The following LRRC7 variants were observed in gnomAD, a reference collection of about 807,000 sequenced individuals.
LRRC7 encodes the protein leucine rich repeat containing 7, also known as leucine-rich repeat-containing protein 7.
In LRRC7, 23 loss-of-function variants were observed where a neutral mutation model predicts 175.7. The observed-to-expected ratio is 0.13, with a 90% CI of 0.09 to 0.19. The LOEUF (loss-of-function observed/expected upper bound fraction) is 0.19, where lower values mean the gene tolerates loss of function less well. LRRC7 is among the 10% of genes least tolerant of loss of function. The probability of loss-of-function intolerance (pLI) is 1.00; values close to 1 mark genes in which losing one functional copy is unlikely to be tolerated. For synonymous variants in LRRC7, 685 were observed against 680.9 expected (o/e 1.01, Z -0.09); for missense variants, 1,354 against 1,904.7 (o/e 0.71, Z 5.38).
At chr1:69,732,245 ATACT>A (rs149055508) in intron 2 of LRRC7, among the ~76,000 whole-genome samples, 22 of 152,200 alleles carry the variant, frequency 1.4e-4, no homozygotes, top group South Asian at 4.1e-4. Context: ...AATAAAGGAA[ATACT>A]TAATACTAGG....
intron 7 of LRRC7, among the ~76,000 whole-genome samples, chr1:69,902,457 GC>G (rs1476305257): frequency 6.6e-6 from 1 of 152,064 alleles, no homozygotes; most frequent in Non-Finnish European, 1.5e-5. Flanking sequence ...TGTAGTCCCG[GC>G]TACTCAAGAG....
chr1:69,699,029 T>A (rs917615433), intron 2 of LRRC7, among the ~76,000 whole-genome samples: 1 of 152,120 alleles, frequency 6.6e-6, no homozygotes, highest in East Asian at 1.9e-4. Flanking sequence ...GAGATTTATA[T>A]ATACTTTAAG....
chr1:69,607,446 T>G (rs1489420447), intron 1 of LRRC7: 1 of 152,128 alleles, frequency 6.6e-6, no homozygotes, highest in Non-Finnish European at 1.5e-5. Context: ...AGAAAGTTTT[T>G]TTAATTTTCA....
intron 2 of LRRC7, among the ~76,000 whole-genome samples, chr1:69,728,093 A>G (rs1019461092): frequency 4.6e-5 from 7 of 152,134 alleles, no homozygotes. Flanking sequence ...TTTTCAGAAT[A>G]TATAGTACCA....
At chr1:69,774,221 G>C (rs147733845) in intron 3 of LRRC7, among the ~76,000 whole-genome samples, 2 of 152,132 alleles carry the variant, frequency 1.3e-5, no homozygotes, top group African/African-American at 2.4e-5. Flanking sequence ...TGCTGCAGCC[G>C]GCTATACAGG....
intron 7 of LRRC7, 119 bp downstream of exon 7, chr1:69,838,402 C>T (rs1358789902): frequency 2.7e-6 from 2 of 741,930 alleles, no homozygotes; most frequent in Non-Finnish European, 4.7e-6. Flanking sequence ...ACACATTTTT[C>T]CTAAAGGCCA....
intron 7 of LRRC7, among the ~76,000 whole-genome samples, chr1:69,882,839 C>A (rs368868928): frequency 1.4e-5 from 2 of 148,006 alleles, no homozygotes; most frequent in East Asian, 4.1e-4. Context: ...GCTCAATTCC[C>A]ACCTATGAGT....
chr1:69,861,984 G>T (rs1329372429), intron 7 of LRRC7, among the ~76,000 whole-genome samples: 2 of 152,130 alleles, frequency 1.3e-5, no homozygotes, highest in Non-Finnish European at 2.9e-5. Context: ...ACTTATAATT[G>T]TGCCTTCTCT....
chr1:70,079,442 A>G (rs558330305), intron 24 of LRRC7, among the ~76,000 whole-genome samples: 98 of 152,348 alleles, frequency 6.4e-4, no homozygotes, highest in Non-Finnish European at 1.1e-3. Flanking sequence ...AAGAGCAAGG[A>G]GACACAGTAA....
At chr1:69,716,006 A>G (rs1340568789) in intron 2 of LRRC7, 6 of 369,998 alleles carry the variant, frequency 1.6e-5, no homozygotes, top group Non-Finnish European at 2.0e-5. Flanking sequence ...CTTATAGGAT[A>G]TGTAACCTGA....
chr1:69,973,156 C>A (rs941860396), intron 8 of LRRC7, among the ~76,000 whole-genome samples: 14 of 151,098 alleles, frequency 9.3e-5, no homozygotes, highest in African/African-American at 3.4e-4. Context: ...AGACTGGAGA[C>A]TATTATTCTA....
intron 3 of LRRC7, among the ~76,000 whole-genome samples, chr1:69,781,688 GAAGAAAGAAAGAAAGAAAGA>G (rs1553155061): frequency 4.8e-4 from 21 of 43,890 alleles, no homozygotes; most frequent in Admixed American, 2.7e-4. Context: ...TCAAAAAAAA[GAAGAAAGAAAGAAAGAAAGA>G]AAGAAAGAAA....
At chr1:69,939,043 A>ATATATATC (rs1557911228) in intron 8 of LRRC7, among the ~76,000 whole-genome samples, 13 of 64,868 alleles carry the variant, frequency 2.0e-4, no homozygotes, top group African/African-American at 5.2e-4. Flanking sequence ...ATATATATCT[A>ATATATATC]TATCTATCTC....
chr1:69,625,327 C>T (rs931614356), intron 1 of LRRC7, among the ~76,000 whole-genome samples: 1 of 113,954 alleles, frequency 8.8e-6, no homozygotes, highest in South Asian at 3.2e-4. Context: ...GTGATGGCCT[C>T]ATTTTAATTC....
chr1:69,737,434 T>C (rs1668244476), intron 2 of LRRC7, among the ~76,000 whole-genome samples: 2 of 152,110 alleles, frequency 1.3e-5, no homozygotes, highest in Non-Finnish European at 2.9e-5. Flanking sequence ...CATGTAGATG[T>C]GCGAGTCCAT....
At chr1:69,997,465 C>A (rs1355349351) in intron 11 of LRRC7, among the ~76,000 whole-genome samples, 1 of 151,568 alleles carries the variant, frequency 6.6e-6, no homozygotes, top group Admixed American at 6.6e-5. Context: ...GAGAGGGCAT[C>A]CCTGTCTTGT....
At chr1:69,951,746 T>C (rs1018182200) in intron 8 of LRRC7, among the ~76,000 whole-genome samples, 1 of 151,924 alleles carries the variant, frequency 6.6e-6, no homozygotes, top group African/African-American at 2.4e-5. Context: ...AATGAGAACT[T>C]ATGAACACAG....
rs1420273454 is a variant in LRRC7, at chr1:70,129,527, A to G, written c.*7640A>G. Among the ~76,000 whole-genome samples the G allele has an allele frequency of 2.6e-5, 4 of 152,122 alleles. No homozygotes were observed. The highest frequency in any genetic ancestry group is 5.9e-5 in the Non-Finnish European group (4 of 68,022). On this transcript the variant is annotated 3_prime_UTR_variant, in exon 27 of 27. Coordinates refer to ENST00000651989, the MANE Select transcript of LRRC7 (RefSeq NM_001370785.2). ...AAGGAGATGGAATTCAACACTTTAA[A>G]AAGTGTGGGGGGGTTGCTTGAAAAG...
In LRRC7 at chr1:70,139,357, A is replaced by C. The variant is rs1361481076; in HGVS notation, c.*17470A>C. The C allele has an allele frequency of 6.6e-6, 1 of 152,176 alleles. No individual in the cohort carries two copies. Among genetic ancestry groups the C allele is most frequent in the Admixed American group, 6.6e-5 (1 of 15,258 alleles). 9.4% of individuals were successfully genotyped at this position (152,176 alleles called of 1,614,324 possible). A position where few individuals can be genotyped will look rare whatever the true frequency, so the allele number is the denominator to read the frequency against. ...AATGAACTCTAACAAATAGATCCAG[A>C]AGTCATAAGTGAGAAAGAAAACAAG... On this transcript the variant is annotated 3_prime_UTR_variant, in exon 27 of 27. Transcript: ENST00000651989.
Sources: gnomAD v4.1 joint callset for allele counts (sites outside exome capture counted in the v4.1 genomes callset) on GRCh38, gnomAD v4.1.1 for gene constraint, MANE v1.5 for transcripts, NCBI Gene and HGNC (gene_info 2026-07-23, HGNC 2026-07-21) for gene names.